Variants in ATRNL1 observed in about 807,000 individuals in gnomAD.
ATRNL1 encodes the protein attractin-like protein 1.
A neutral mutation model predicts 182.7 loss-of-function variants in ATRNL1; 95 were observed. The ratio of observed to expected loss-of-function variants is 0.52; its 90% CI spans 0.44 to 0.62. The LOEUF (loss-of-function observed/expected upper bound fraction) is 0.62, where lower values mean the gene tolerates loss of function less well. ATRNL1 is among the 20% of genes least tolerant of loss of function. ATRNL1 has a pLI of 0.00. For missense variants in ATRNL1, 1,471 were observed against 1,679.5 expected, an observed-to-expected ratio of 0.88 and a Z score of 2.17; for synonymous variants, 576 against 568.3, an observed-to-expected ratio of 1.01 and a Z score of -0.19.
At chr10:115,163,853 T>A (rs1323943381) in intron 6 of ATRNL1, among the ~76,000 whole-genome samples, 1 of 152,184 alleles carries the variant, frequency 6.6e-6, no homozygotes, top group African/African-American at 2.4e-5. Context: ...GTGGTGTGAA[T>A]CTGTGGAAGT....
chr10:115,386,371 C>T (rs782594968), intron 19 of ATRNL1, among the ~76,000 whole-genome samples: 3 of 152,178 alleles, frequency 2.0e-5, no homozygotes, highest in Middle Eastern at 6.8e-3. Context: ...GGGGTCTGTC[C>T]CTTGCAGATC....
intron 13 of ATRNL1, among the ~76,000 whole-genome samples, chr10:115,269,884 T>TAATC (rs1851768210): frequency 6.6e-6 from 1 of 151,480 alleles, no homozygotes; most frequent in Non-Finnish European, 1.5e-5. Context: ...TTTTATGACT[T>TAATC]TAATTTTCAG....
At chr10:115,689,613 T>C (rs1946326838) in intron 26 of ATRNL1, among the ~76,000 whole-genome samples, 1 of 152,136 alleles carries the variant, frequency 6.6e-6, no homozygotes, top group Admixed American at 6.6e-5. Context: ...GACAGACTGA[T>C]TCTTAGGCCT....
intron 25 of ATRNL1, among the ~76,000 whole-genome samples, chr10:115,528,954 T>G (rs1851406119): frequency 6.6e-6 from 1 of 152,128 alleles, no homozygotes; most frequent in Admixed American, 6.6e-5. Context: ...ATTTCTAACT[T>G]TATCCCACTG....
Position 115,334,380 on chromosome 10 carries a change from G to A in ATRNL1, c.3136G>A (p.Gly1046Ser). Residue 1046 changes from glycine (G) to serine (S), a missense_variant, in exon 19 of 29, where the codon GGT becomes AGT. By Grantham distance (56) the Gly-to-Ser change is moderately conservative. Transcript: ENST00000355044. ...AAAGCAGTGTCAAGATTGTATGCCA[G>A]GTTATTATGGAGATCCAACCAATGG... ...TGKQCQDCMP[G>S]YYGDPTNGGQ... The A allele has an allele frequency of 6.2e-7, 1 of 1,604,998 alleles. No individual in the cohort carries two copies. Among genetic ancestry groups the A allele is most frequent in the South Asian group, 1.1e-5 (1 of 90,010 alleles).
rs547512969 is a variant in ATRNL1 at position 115,198,132 on chromosome 10, G to A, written c.1349-17565G>A. On this transcript the variant is annotated intron_variant, in intron 8 of 28. Coordinates refer to ENST00000355044, the MANE Select transcript of ATRNL1 (RefSeq NM_207303.4). ...ATGGGCGTACTTCTTCCCACCAACA[G>A]GGTACAAGGATTCCCTTTTCTCCAC... Among the ~76,000 whole-genome samples, 27 of 152,234 alleles carry A rather than the reference G, an allele frequency of 1.8e-4. No individual in the cohort carries two copies. In the South Asian group the frequency reaches 5.4e-3, roughly 30 times the overall value.
At chr10:115,909,685 G>T (rs1395542867) in intron 28 of ATRNL1, 1 of 149,078 alleles carries the variant, frequency 6.7e-6, no homozygotes, top group African/African-American at 2.5e-5. Flanking sequence ...GCCAGTGTTA[G>T]AGAGAGATTT....
At chr10:115,295,125 T>C (rs1853114106) in intron 15 of ATRNL1, among the ~76,000 whole-genome samples, 1 of 152,096 alleles carries the variant, frequency 6.6e-6, no homozygotes, top group South Asian at 2.1e-4. Context: ...TGTGAGTGTA[T>C]AGCTGCTCAG....
intron 27 of ATRNL1, among the ~76,000 whole-genome samples, chr10:115,802,358 T>C (rs1238631134): frequency 1.3e-5 from 2 of 152,128 alleles, no homozygotes; most frequent in Admixed American, 1.3e-4. Context: ...CTCCACTCTA[T>C]CATATAGAAT....
intron 19 of ATRNL1, among the ~76,000 whole-genome samples, chr10:115,371,261 C>T (rs1458423554): frequency 6.6e-6 from 1 of 152,162 alleles, no homozygotes; most frequent in Non-Finnish European, 1.5e-5. Context: ...AGAGTCCCCA[C>T]TAGGTGTGAT....
intron 5 of ATRNL1, among the ~76,000 whole-genome samples, chr10:115,140,838 C>T (rs1204479115): frequency 6.6e-6 from 1 of 152,016 alleles, no homozygotes; most frequent in East Asian, 1.9e-4. Context: ...TGCGTAGTGC[C>T]TCTGATCTTT....
chr10:115,180,645 G>T (rs1195237102), intron 8 of ATRNL1, among the ~76,000 whole-genome samples: 2 of 151,806 alleles, frequency 1.3e-5, no homozygotes, highest in Non-Finnish European at 2.9e-5. Context: ...ACTAGTATCA[G>T]ATTTTTCAAA....
chr10:115,772,860 ACTGAGATTCATAATGCTGTG>A (rs1949030293), intron 27 of ATRNL1, among the ~76,000 whole-genome samples: 1 of 152,168 alleles, frequency 6.6e-6, no homozygotes, highest in Admixed American at 6.5e-5. Context: ...ATTCAGCTGT[ACTGAGATTCATAATGCTGTG>A]AGCAGAGAAA....
intron 23 of ATRNL1, among the ~76,000 whole-genome samples, 181 bp from the exon 24 acceptor site, chr10:115,468,990 AT>A (rs1235388090): frequency 6.6e-6 from 1 of 150,654 alleles, no homozygotes; most frequent in Non-Finnish European, 1.5e-5. Flanking sequence ...TTTAAAAATA[AT>A]TTTTATACTA....
At chr10:115,903,222 C>T (rs1312376629) in intron 28 of ATRNL1, among the ~76,000 whole-genome samples, 1 of 152,158 alleles carries the variant, frequency 6.6e-6, no homozygotes, top group Non-Finnish European at 1.5e-5. Context: ...ATTCATTTTG[C>T]ATCTGGTGGG....
intron 27 of ATRNL1, among the ~76,000 whole-genome samples, chr10:115,793,845 T>C (rs1555082297): frequency 6.6e-6 from 1 of 152,160 alleles, no homozygotes; most frequent in African/African-American, 2.4e-5. Context: ...ATGAAAATGT[T>C]CTATAATTAC....
chr10:115,738,016 C>T (rs1555066478), intron 27 of ATRNL1, among the ~76,000 whole-genome samples: 4 of 151,518 alleles, frequency 2.6e-5, no homozygotes, highest in African/African-American at 4.8e-5. Flanking sequence ...CTATAGGCCC[C>T]ATGAGCCATT....
At chr10:115,764,912 A>C (rs1194930048) in intron 27 of ATRNL1, among the ~76,000 whole-genome samples, 1 of 152,138 alleles carries the variant, frequency 6.6e-6, no homozygotes, top group African/African-American at 2.4e-5. Flanking sequence ...GACCTCAGGC[A>C]ATCCGCCCGC....
At chr10:115,656,194 T>C (rs1860319969) in intron 26 of ATRNL1, among the ~76,000 whole-genome samples, 1 of 152,200 alleles carries the variant, frequency 6.6e-6, no homozygotes, top group South Asian at 2.1e-4. Flanking sequence ...TACTTTGTAA[T>C]GTCCCCTTTA....
Sources: allele counts gnomAD v4.1 joint callset (sites outside exome capture counted in the v4.1 genomes callset), GRCh38; gene constraint gnomAD v4.1.1; transcripts MANE v1.5; gene names NCBI Gene and HGNC (gene_info 2026-07-23, HGNC 2026-07-21).